PCDH9: variants seen among roughly 807,000 people sequenced by gnomAD.
PCDH9 encodes the protein protocadherin 9, also known as protocadherin-9.
In PCDH9, 24 loss-of-function variants were observed where a neutral mutation model predicts 70.6. That is an observed-to-expected ratio of 0.34 (90% CI 0.25 to 0.48). PCDH9 has a LOEUF of 0.48. PCDH9 is among the 20% of genes least tolerant of loss of function. PCDH9 has a pLI of 0.99. For synonymous variants in PCDH9, 562 were observed against 558.5 expected, an observed-to-expected ratio of 1.01 and a Z score of -0.09; for missense variants, 1,281 against 1,503.6, an observed-to-expected ratio of 0.85 and a Z score of 2.45.
chr13:66,910,619 A>G (rs527522504), intron 2 of PCDH9, among the ~76,000 whole-genome samples: 2 of 152,342 alleles, frequency 1.3e-5, no homozygotes, highest in South Asian at 4.1e-4. Flanking sequence ...GATTAAGCTT[A>G]TGTACCAGAT....
intron 2 of PCDH9, among the ~76,000 whole-genome samples, chr13:66,925,476 A>G (rs1484531918): frequency 1.3e-5 from 2 of 151,922 alleles, no homozygotes; most frequent in Non-Finnish European, 2.9e-5. Flanking sequence ...TAACTAAGTG[A>G]CACTAGAATA....
chr13:66,947,949 A>G (rs1362044894), intron 2 of PCDH9, among the ~76,000 whole-genome samples: 1 of 152,220 alleles, frequency 6.6e-6, no homozygotes, highest in South Asian at 2.1e-4. Flanking sequence ...TAGTTATTGG[A>G]ACTATCTAAC....
At chr13:66,319,163 G>A (rs940476218) in intron 4 of PCDH9, among the ~76,000 whole-genome samples, 1 of 152,028 alleles carries the variant, frequency 6.6e-6, no homozygotes, top group Non-Finnish European at 1.5e-5. Context: ...AAGAGTGTGT[G>A]TAGGAGGAAA....
At chr13:66,516,374 A>G (rs1349093530) in intron 4 of PCDH9, among the ~76,000 whole-genome samples, 3 of 151,978 alleles carry the variant, frequency 2.0e-5, no homozygotes, top group African/African-American at 7.2e-5. Flanking sequence ...CTTCATTTTT[A>G]TGTTATTCTA....
At chr13:66,662,468 C>A (rs1009941702) in intron 3 of PCDH9, among the ~76,000 whole-genome samples, 1 of 149,678 alleles carries the variant, frequency 6.7e-6, no homozygotes, top group Non-Finnish European at 1.5e-5. Context: ...AGTGAAACTC[C>A]GTCTCAAAAA....
chr13:67,003,890 C>A (rs1385667069), intron 2 of PCDH9, among the ~76,000 whole-genome samples: 1 of 152,220 alleles, frequency 6.6e-6, no homozygotes, highest in Non-Finnish European at 1.5e-5. Context: ...ATATCTGTCA[C>A]GAGTTCTGTA....
rs2089931708 is a variant in PCDH9 at position 67,228,284 on chromosome 13, T to C, written c.157A>G (p.Asn53Asp). The change falls in exon 2 of 5, where the codon AAT (asparagine) becomes GAT (aspartate). Residue 53 changes from asparagine to aspartate, a missense_variant. Coordinates refer to ENST00000377865, the MANE Select transcript of PCDH9 (RefSeq NM_203487.3). Reference protein sequence around the residue: ...IPKDLNISHINAATGTSASLV... With the variant: ...IPKDLNISHIDAATGTSASLV... The stretch of plus-strand genomic sequence containing the variant: ...CTGGCGCTGGTCCCTGTGGCAGCAT[T>C]GATGTGAGAAATGTTCAGATCCTTT... The C allele has an allele frequency of 6.2e-7, 1 of 1,614,040 alleles. No homozygotes were observed. Among genetic ancestry groups the C allele is most frequent in the African/African-American group, 1.3e-5 (1 of 74,920 alleles).
chr13:66,675,176 A>G (rs1306965901), intron 3 of PCDH9, among the ~76,000 whole-genome samples: 2 of 152,000 alleles, frequency 1.3e-5, no homozygotes, highest in Non-Finnish European at 2.9e-5. Context: ...CATTTTGCAA[A>G]TTTTTTTGAG....
At chr13:66,737,199 C>CTA (rs144025730) in intron 3 of PCDH9, among the ~76,000 whole-genome samples, 1 of 30,230 alleles carries the variant, frequency 3.3e-5, no homozygotes, top group African/African-American at 3.8e-5. Flanking sequence ...TGTATTTGTT[C>CTA]TCTATTTCTA....
At chr13:66,401,160 TG>T (rs762325077) in intron 4 of PCDH9, among the ~76,000 whole-genome samples, 16 of 152,214 alleles carry the variant, frequency 1.1e-4, no homozygotes, top group Non-Finnish European at 2.4e-4. Context: ...CATGCATAGG[TG>T]GGTGATATGG....
At chr13:66,462,851 T>C (rs573387529) in intron 4 of PCDH9, among the ~76,000 whole-genome samples, 6 of 151,878 alleles carry the variant, frequency 4.0e-5, no homozygotes, top group South Asian at 4.2e-4. Flanking sequence ...TATTTTCTAC[T>C]ATGTAAGAGG....
intron 4 of PCDH9, among the ~76,000 whole-genome samples, chr13:66,426,417 T>C (rs1016453163): frequency 2.0e-5 from 3 of 149,998 alleles, no homozygotes; most frequent in Non-Finnish European, 4.5e-5. Flanking sequence ...TATCCTTTAG[T>C]TTATTGGCCT....
chr13:66,477,861 G>A (rs949115375), intron 4 of PCDH9, among the ~76,000 whole-genome samples: 51 of 152,078 alleles, frequency 3.4e-4, no homozygotes, highest in African/African-American at 1.2e-3. Context: ...GCATAAACTC[G>A]TAATTCTCTT....
intron 3 of PCDH9, among the ~76,000 whole-genome samples, chr13:66,662,301 C>T (rs985942837): frequency 1.5e-4 from 23 of 151,740 alleles, no homozygotes; most frequent in African/African-American, 5.6e-4. Flanking sequence ...GGAGAAACCC[C>T]GTCTCTACTA....
intron 2 of PCDH9, among the ~76,000 whole-genome samples, chr13:67,048,629 T>C (rs547610432): frequency 2.6e-5 from 4 of 152,300 alleles, no homozygotes; most frequent in South Asian, 2.1e-4. Flanking sequence ...GGGTGGGGAA[T>C]AGAACAAATG....
At chr13:67,192,381 A>C (rs1313176625) in intron 2 of PCDH9, among the ~76,000 whole-genome samples, 1 of 152,184 alleles carries the variant, frequency 6.6e-6, no homozygotes, top group South Asian at 2.1e-4. Flanking sequence ...CAAAGGTTTA[A>C]TCTCTCTTCT....
At chr13:66,418,503 T>C (rs1026089326) in intron 4 of PCDH9, among the ~76,000 whole-genome samples, 13 of 152,124 alleles carry the variant, frequency 8.5e-5, no homozygotes, top group Non-Finnish European at 1.5e-4. Flanking sequence ...TGGTCCCATA[T>C]GAAATTAAGG....
At chr13:66,737,569 T>C (rs2079172654) in intron 3 of PCDH9, among the ~76,000 whole-genome samples, 1 of 152,194 alleles carries the variant, frequency 6.6e-6, no homozygotes, top group African/African-American at 2.4e-5. Context: ...GATTTCTGCA[T>C]TTCCATCTGA....
intron 2 of PCDH9, among the ~76,000 whole-genome samples, chr13:66,988,808 AG>A (rs750415017): frequency 2.0e-5 from 3 of 152,002 alleles, no homozygotes; most frequent in Non-Finnish European, 4.4e-5. Context: ...ATTCATAGGT[AG>A]TGCAATGGTG....
Sources: gnomAD v4.1 joint callset for allele counts (sites outside exome capture counted in the v4.1 genomes callset) on GRCh38, gnomAD v4.1.1 for gene constraint, MANE v1.5 for transcripts, NCBI Gene and HGNC (gene_info 2026-07-23, HGNC 2026-07-21) for gene names.